The following MET variants were observed in gnomAD, a reference collection of about 807,000 sequenced individuals.
MET encodes MET proto-oncogene, receptor tyrosine kinase, also known as hepatocyte growth factor receptor.
Under a neutral mutation model 133.1 loss-of-function variants are expected in MET, and 48 were observed. The observed-to-expected ratio is 0.36, with a 90% CI of 0.29 to 0.46. The LOEUF is 0.46. Among genes scored for constraint, MET ranks in the 20% least tolerant of loss-of-function variants. The probability of loss-of-function intolerance (pLI) is 1.00; values close to 1 mark genes in which losing one functional copy is unlikely to be tolerated. For synonymous variants in MET, 628 were observed against 616.5 expected (o/e 1.02, Z -0.28); for missense variants, 1,442 against 1,695.9 (o/e 0.85, Z 2.63).
intron 17 of MET, among the ~76,000 whole-genome samples, chr7:116,780,378 A>G (rs1430525432): frequency 6.6e-6 from 1 of 152,120 alleles, no homozygotes; most frequent in African/African-American, 2.4e-5. Flanking sequence ...GAGTAATGAG[A>G]TATTACTCAG....
chr7:116,673,080 C>T (rs80154660), intron 1 of MET, among the ~76,000 whole-genome samples: 1 of 152,112 alleles, frequency 6.6e-6, no homozygotes, highest in Non-Finnish European at 1.5e-5. Flanking sequence ...AATTTTCCAT[C>T]GTACCTTATC....
chr7:116,723,773 G>C (rs954997919), intron 2 of MET, among the ~76,000 whole-genome samples: 9 of 152,294 alleles, frequency 5.9e-5, no homozygotes, highest in Non-Finnish European at 8.8e-5. Flanking sequence ...CTGCTGGGGG[G>C]TGCCTCCCAG....
chr7:116,697,495 C>G (rs1168322724), intron 1 of MET, among the ~76,000 whole-genome samples: 1 of 152,108 alleles, frequency 6.6e-6, no homozygotes, highest in Admixed American at 6.6e-5. Context: ...TTAAAGTCCC[C>G]AATTCTTAGA....
chr7:116,788,091 A>G (rs1037855193), intron 19 of MET, among the ~76,000 whole-genome samples: 30 of 152,328 alleles, frequency 2.0e-4, no homozygotes, highest in Admixed American at 2.6e-4. Flanking sequence ...TACATGTTGA[A>G]TGGTTCCATT....
chr7:116,759,062 A>G (rs1794296785), intron 9 of MET, among the ~76,000 whole-genome samples: 1 of 152,206 alleles, frequency 6.6e-6, no homozygotes, highest in Admixed American at 6.5e-5. Context: ...ACCCAGTTCA[A>G]TCTGCCTTGT....
chr7:116,781,582 T>C (rs1795155697), intron 17 of MET, among the ~76,000 whole-genome samples: 1 of 152,210 alleles, frequency 6.6e-6, no homozygotes, highest in African/African-American at 2.4e-5. Flanking sequence ...TTTTGTTTTT[T>C]GTTTTTGGAG....
At chr7:116,777,788 A>G (rs1449543084) in intron 16 of MET, among the ~76,000 whole-genome samples, 1 of 152,224 alleles carries the variant, frequency 6.6e-6, no homozygotes, top group Non-Finnish European at 1.5e-5. Flanking sequence ...TATTGGAAGC[A>G]TGTTGGCACC....
intron 2 of MET, among the ~76,000 whole-genome samples, chr7:116,718,401 A>G (rs1233443866): frequency 1.3e-5 from 2 of 152,036 alleles, no homozygotes; most frequent in Non-Finnish European, 2.9e-5. Flanking sequence ...ATAAATAAAT[A>G]AATAAAAATT....
At chr7:116,705,672 A>T (rs999471313) in intron 2 of MET, among the ~76,000 whole-genome samples, 1 of 152,186 alleles carries the variant, frequency 6.6e-6, no homozygotes, top group African/African-American at 2.4e-5. Context: ...AAAATCCTTG[A>T]GGTATAAAGA....
intron 3 of MET, among the ~76,000 whole-genome samples, chr7:116,734,691 C>T (rs557408448): frequency 2.6e-5 from 4 of 152,174 alleles, no homozygotes; most frequent in South Asian, 2.1e-4. Context: ...TGGGATACTT[C>T]GAAGTAAAAT....
intron 1 of MET, among the ~76,000 whole-genome samples, chr7:116,697,760 A>G (rs918269867): frequency 6.6e-6 from 1 of 152,204 alleles, no homozygotes; most frequent in Admixed American, 6.5e-5. Flanking sequence ...TCTATTGCTC[A>G]TGATCATAAT....
chr7:116,762,907 G>A (rs1794450489), intron 10 of MET, 143 bp from the exon 11 acceptor site: 4 of 733,410 alleles, frequency 5.5e-6, no homozygotes, highest in Non-Finnish European at 9.4e-6. Context: ...TTCCAGAAAT[G>A]TGTAGTCTAA....
chr7:116,787,474 G>A (rs1029643456), intron 19 of MET, among the ~76,000 whole-genome samples: 1 of 152,216 alleles, frequency 6.6e-6, no homozygotes, highest in African/African-American at 2.4e-5. Flanking sequence ...GGCCACATGT[G>A]CTGAAGGTCT....
intron 19 of MET, among the ~76,000 whole-genome samples, chr7:116,785,525 G>A (rs368514774): frequency 1.3e-5 from 2 of 152,078 alleles, no homozygotes; most frequent in African/African-American, 4.8e-5. Context: ...ATTCTATCAC[G>A]AGAACAGCAC....
chr7:116,734,796 G>A (rs894796748), intron 3 of MET, among the ~76,000 whole-genome samples: 2 of 152,138 alleles, frequency 1.3e-5, no homozygotes, highest in African/African-American at 4.8e-5. Flanking sequence ...AGTCAGACTT[G>A]GGAACATTAA....
At chr7:116,777,275 C>A in intron 15 of MET, 114 bp from the exon 16 acceptor site, 1 of 916,292 alleles carries the variant, frequency 1.1e-6, no homozygotes, top group Non-Finnish European at 1.8e-6. Flanking sequence ...TAAATGTACT[C>A]TTTTGCTGTA....
chr7:116,725,237 T>C (rs1009808267), intron 2 of MET, among the ~76,000 whole-genome samples: 2 of 152,092 alleles, frequency 1.3e-5, no homozygotes, highest in African/African-American at 4.8e-5. Flanking sequence ...CAAACCCAAG[T>C]CACAGACTTG....
chr7:116,776,147 G>C (rs1025191276), intron 15 of MET, among the ~76,000 whole-genome samples: 2 of 151,996 alleles, frequency 1.3e-5, no homozygotes, highest in Non-Finnish European at 2.9e-5. Context: ...TGCTGCAAGA[G>C]GTTGTACAGG....
chr7:116,739,217 C>T (rs547903136), intron 3 of MET, among the ~76,000 whole-genome samples: 1 of 152,122 alleles, frequency 6.6e-6, no homozygotes, highest in Non-Finnish European at 1.5e-5. Flanking sequence ...AGGAACAGGA[C>T]AGATGGAAAT....
Sources: gnomAD v4.1 joint callset for allele counts (sites outside exome capture counted in the v4.1 genomes callset) on GRCh38, gnomAD v4.1.1 for gene constraint, MANE v1.5 for transcripts, NCBI Gene and HGNC (gene_info 2026-07-23, HGNC 2026-07-21) for gene names.